The following ZBTB7A variants were observed in gnomAD, a reference collection of about 807,000 sequenced individuals.
ZBTB7A encodes the protein zinc finger and BTB domain containing 7A.
A neutral mutation model predicts 26.7 loss-of-function variants in ZBTB7A; 7 were observed. That is an observed-to-expected ratio of 0.26 (90% CI 0.15 to 0.49). The LOEUF is 0.49. Ranked by LOEUF, ZBTB7A falls within the 20% of genes least tolerant of loss-of-function variation. The pLI is 0.98. For synonymous variants in ZBTB7A, 452 were observed against 441.0 expected (o/e 1.02, Z -0.31); for missense variants, 617 against 919.5 (o/e 0.67, Z 4.25).
intron 1 of ZBTB7A, among the ~76,000 whole-genome samples, chr19:4,058,098 G>T (rs2040600839): frequency 6.6e-6 from 1 of 152,164 alleles, no homozygotes; most frequent in Admixed American, 6.5e-5. Context: ...GGCCACCGTG[G>T]GTGTGCCCCG....
intron 1 of ZBTB7A, among the ~76,000 whole-genome samples, chr19:4,056,676 T>C (rs2040581862): frequency 6.6e-6 from 1 of 152,052 alleles, no homozygotes; most frequent in Non-Finnish European, 1.5e-5. Flanking sequence ...GAGACCATCC[T>C]GGCTGACACA....
At chr19:4,064,816 T>C (rs928434488) in intron 1 of ZBTB7A, among the ~76,000 whole-genome samples, 18 of 152,156 alleles carry the variant, frequency 1.2e-4, no homozygotes, top group African/African-American at 4.1e-4. Context: ...GGAGAGGAGT[T>C]GCTGCCTCCC....
At chr19:4,066,078 C>G (rs2040693316) in intron 1 of ZBTB7A, among the ~76,000 whole-genome samples, 1 of 150,588 alleles carries the variant, frequency 6.6e-6, no homozygotes, top group Admixed American at 6.6e-5. Context: ...TGCCACCTGC[C>G]GGCTGCAAAC....
At position 4,054,557 on chromosome 19, in the gene ZBTB7A, C is replaced by T; in HGVS notation, c.676G>A (p.Ala226Thr). 3 of 1,477,940 alleles carry T rather than the reference C, an allele frequency of 2.0e-6. No individual in the cohort carries two copies. The highest frequency in any genetic ancestry group is 2.7e-6 in the Non-Finnish European group (3 of 1,126,644). 91.6% of individuals were successfully genotyped at this position (1,477,940 alleles called of 1,614,324 possible). A position where few individuals can be genotyped will look rare whatever the true frequency, so the allele number is the denominator to read the frequency against. Residue 226 changes from alanine to threonine, a missense_variant, in exon 2 of 3, where the codon GCC (alanine) becomes ACC (threonine). Physicochemically the swap from Ala to Thr is moderately conservative, Grantham distance 58. Coordinates refer to ENST00000322357, the MANE Select transcript of ZBTB7A (RefSeq NM_015898.4). The stretch of plus-strand genomic sequence containing the variant: ...CCGTCCCCCGTCGGGGGCCGCTCGG[C>T]CGGGGGGCCCGGCCCATAGAAGTCT... ...GLDFYGPGPP[A>T]ERPPTGDGDE...
chr19:4,062,282 T>C (rs1188047685), intron 1 of ZBTB7A: 3 of 152,180 alleles, frequency 2.0e-5, no homozygotes. Flanking sequence ...TTGGCCACGC[T>C]CCTCCCGAGC....
rs2040459911 is a variant in ZBTB7A, at chr19:4,048,920, G to A, written c.1263-676C>T. On this transcript the variant is annotated intron_variant, in intron 2 of 2. Coordinates refer to ENST00000322357, the MANE Select transcript of ZBTB7A (RefSeq NM_015898.4). The surrounding 1 kb of genome is among the most constrained non-coding windows in gnomAD (Gnocchi z 6.7). ...AGCTACTTGGGAGGTGGAGGTTGCA[G>A]TGAGCCCAGATCACGCCACTGCCCT... Among the ~76,000 whole-genome samples the A allele has an allele frequency of 6.7e-6, 1 of 149,732 alleles. No individual in the cohort carries two copies. Among genetic ancestry groups the A allele is most frequent in the Non-Finnish European group, 1.5e-5 (1 of 67,548 alleles).
intron 2 of ZBTB7A, among the ~76,000 whole-genome samples, chr19:4,050,772 T>G (rs2040495286): frequency 6.6e-6 from 1 of 152,150 alleles, no homozygotes; most frequent in Admixed American, 6.5e-5. Flanking sequence ...TGACTTTTTT[T>G]GAACGGGGCT....
chr19:4,053,319 G>T (rs1290913805), intron 2 of ZBTB7A, among the ~76,000 whole-genome samples: 11 of 152,350 alleles, frequency 7.2e-5, no homozygotes, highest in South Asian at 4.1e-4. Context: ...ACGTGGGTCA[G>T]GGAAGCGTTC....
chr19:4,048,102 CGCACTGGTAGGG>C lies in ZBTB7A; in HGVS notation c.1393_1404del (p.Pro465_Cys468del). ...CGGACGAAGGTCTTGCAGCAGCTGT[CGCACTGGTAGGG>C]GCGCAGGCCCGTGTGCACGCGCATG... On this transcript the variant is annotated inframe_deletion, in exon 3 of 3. Transcript: ENST00000322357. The surrounding 1 kb of genome is among the most constrained non-coding windows in gnomAD (Gnocchi z 6.7). The C allele has an allele frequency of 6.2e-7, 1 of 1,610,504 alleles. No homozygotes were observed. Among genetic ancestry groups the C allele is most frequent in the Admixed American group, 1.7e-5 (1 of 59,700 alleles).
rs988497858 is a variant in ZBTB7A at position 4,052,825 on chromosome 19, C to T, written c.1262+1146G>A. ...CCAAGTCCTGTGGCTCCCAGGGGGG[C>T]ACAGTGATCTCTCAAGCTGAGCTGG... On this transcript the variant is annotated intron_variant, in intron 2 of 2. Coordinates refer to ENST00000322357, the MANE Select transcript of ZBTB7A (RefSeq NM_015898.4). This position sits in a 1 kb window ranked among gnomAD's most constrained non-coding sequence, Gnocchi z 4.9. 6.6e-6 allele frequency among the ~76,000 whole-genome samples: 1 copy of T among 152,204 alleles called. No individual in the cohort carries two copies. The highest frequency in any genetic ancestry group is 1.9e-4 in the East Asian group (1 of 5,190).
Position 4,055,475 on chromosome 19 carries a change from G to A in ZBTB7A, c.-15-228C>T, listed in dbSNP as rs1037686350. 36 of 985,240 alleles carry A rather than the reference G, an allele frequency of 3.7e-5. No homozygotes were observed. The African/African-American group carries it at 5.1e-4, about 14-fold the overall frequency. The allele number at this position is 985,240 out of a possible 1,614,324, so 61.0% of individuals were successfully genotyped here. A position where few individuals can be genotyped will look rare whatever the true frequency, so the allele number is the denominator to read the frequency against. ...CTGCCTCCAGCCTCTTTTCTTTTTT[G>A]TGTGTCTTTAATACAGAGACAGGCT... On this transcript the variant is annotated intron_variant, in intron 1 of 2. Coordinates refer to ENST00000322357, the MANE Select transcript of ZBTB7A (RefSeq NM_015898.4).
At chr19:4,055,597 C>G in intron 1 of ZBTB7A, 1 of 427,350 alleles carries the variant, frequency 2.3e-6, no homozygotes, top group Non-Finnish European at 3.1e-6. Context: ...CCGAGACAGG[C>G]AGATCATGAG....
At chr19:4,053,605 G>C (rs1042295053) in intron 2 of ZBTB7A, among the ~76,000 whole-genome samples, 1 of 151,274 alleles carries the variant, frequency 6.6e-6, no homozygotes, top group Non-Finnish European at 1.5e-5. Flanking sequence ...GCGTGCATGT[G>C]TATGTGATGT....
Position 4,048,758 on chromosome 19 carries a change from C to T in ZBTB7A, c.1263-514G>A, listed in dbSNP as rs140324271. 3.2e-3 allele frequency among the ~76,000 whole-genome samples: 490 copies of T among 151,924 alleles called. 4 individuals carry two copies. Among genetic ancestry groups the T allele is most frequent in the African/African-American group, 0.011 (466 of 41,436 alleles). ...ATGCCAGCTATTAGGAAGGCTGAGGCAGGAGGATCACTTGTATCTGGGAGG... is the reference window on the plus strand; with the variant it reads ...ATGCCAGCTATTAGGAAGGCTGAGGTAGGAGGATCACTTGTATCTGGGAGG... On this transcript the variant is annotated intron_variant, in intron 2 of 2. Transcript: ENST00000322357. This position sits in a 1 kb window ranked among gnomAD's most constrained non-coding sequence, Gnocchi z 6.7.
At chr19:4,055,587 C>T (rs965414436) in intron 1 of ZBTB7A, 3 of 504,114 alleles carry the variant, frequency 6.0e-6, no homozygotes, top group Non-Finnish European at 7.7e-6. Flanking sequence ...CTTTGGGAGG[C>T]CGAGACAGGC....
chr19:4,061,419 G>T (rs1382986111), intron 1 of ZBTB7A, among the ~76,000 whole-genome samples: 1 of 152,096 alleles, frequency 6.6e-6, no homozygotes, highest in Admixed American at 6.5e-5. Context: ...GTCCCGACGG[G>T]TAACCCCGCC....
chr19:4,063,455 G>A (rs912886954), intron 1 of ZBTB7A, among the ~76,000 whole-genome samples: 1 of 151,992 alleles, frequency 6.6e-6, no homozygotes, highest in Non-Finnish European at 1.5e-5. Flanking sequence ...TTTGTGGCTC[G>A]GCAGGATTGC....
intron 1 of ZBTB7A, among the ~76,000 whole-genome samples, chr19:4,063,536 C>G (rs1482595350): frequency 6.6e-6 from 1 of 152,224 alleles, no homozygotes; most frequent in East Asian, 1.9e-4. Flanking sequence ...AGGGCTGTGG[C>G]TCGTGCTGTG....
chr19:4,054,696 G>A lies in ZBTB7A; in HGVS notation c.537C>T (p.Ala179=), dbSNP rs1202257642. 6 of 1,582,868 alleles carry A rather than the reference G, an allele frequency of 3.8e-6. No homozygotes were observed. The highest frequency in any genetic ancestry group is 1.7e-4 in the Middle Eastern group (1 of 6,016). The change falls in exon 2 of 3, where the codon GCC becomes GCT. Residue 179 remains alanine, a synonymous_variant. Transcript: ENST00000322357. The part of the protein sequence containing the change: ...MNSLPPAAAA[A]AASFPWSAFG... ...AGGCGGACCACGGGAAGCTGGCAGC[G>A]GCGGCGGCGGCCGCGGGGGGCAGGC...
Sources: gnomAD v4.1 joint callset for allele counts (sites outside exome capture counted in the v4.1 genomes callset) on GRCh38, gnomAD v4.1.1 for gene constraint, Gnocchi (gnomAD v3.1) non-coding constraint, MANE v1.5 for transcripts, NCBI Gene and HGNC (gene_info 2026-07-23, HGNC 2026-07-21) for gene names.